TOGARAM2: variants seen among roughly 807,000 people sequenced by gnomAD.
TOGARAM2 encodes TOG array regulator of axonemal microtubules 2.
In TOGARAM2, 85 loss-of-function variants were observed where a neutral mutation model predicts 93.3. That is an observed-to-expected ratio of 0.91 (90% CI 0.76 to 1.09). TOGARAM2 has a LOEUF of 1.09. TOGARAM2 is among the 50% of genes least tolerant of loss of function. TOGARAM2 has a pLI of 0.00. For missense variants in TOGARAM2, 1,277 were observed against 1,334.5 expected, an observed-to-expected ratio of 0.96 and a Z score of 0.67; for synonymous variants, 593 against 552.8, an observed-to-expected ratio of 1.07 and a Z score of -1.02.
chr2:29,031,717 G>A lies in TOGARAM2; in HGVS notation c.2013-1217G>A, dbSNP rs569118048. The stretch of plus-strand genomic sequence containing the variant: ...ACCTGACCTAAGGAAGAAAAATACC[G>A]ACAAGCAATGCTATCTTCTGTTTCT... On this transcript the variant is annotated intron_variant, in intron 14 of 19. Coordinates refer to ENST00000379558, the MANE Select transcript of TOGARAM2 (RefSeq NM_199280.4). Among the ~76,000 whole-genome samples the A allele has an allele frequency of 7.2e-5, 11 of 152,250 alleles. No individual in the cohort carries two copies. The South Asian group carries it at 1.7e-3, about 23-fold the overall frequency.
At chr2:28,977,463 T>G (rs567619950), upstream of TOGARAM2, among the ~76,000 whole-genome samples, 17 of 152,176 alleles carry the variant, frequency 1.1e-4, no homozygotes, top group African/African-American at 4.1e-4. Flanking sequence ...GGGTCAGAAC[T>G]CCCCCTACCT....
intron 16 of TOGARAM2, among the ~76,000 whole-genome samples, chr2:29,035,086 G>T (rs1055194541): frequency 4.7e-5 from 7 of 150,192 alleles, no homozygotes; most frequent in African/African-American, 1.5e-4. Flanking sequence ...GGAGGTGGAG[G>T]TTGCAGTGAG....
chr2:29,037,085 C>T (rs938882688), intron 18 of TOGARAM2, among the ~76,000 whole-genome samples: 45 of 151,914 alleles, frequency 3.0e-4, no homozygotes, highest in African/African-American at 1.1e-3. Flanking sequence ...AAGGCTTAAG[C>T]TGGGCTGGGG....
chr2:29,002,488 C>A, intron 4 of TOGARAM2, 48 bp from the exon 5 acceptor site: 1 of 1,554,820 alleles, frequency 6.4e-7, no homozygotes, highest in Non-Finnish European at 8.8e-7. Flanking sequence ...ACCTTCCACT[C>A]CCTGTTCTTC....
intron 8 of TOGARAM2, among the ~76,000 whole-genome samples, chr2:29,016,829 G>A (rs2148333994): frequency 6.6e-6 from 1 of 152,314 alleles, no homozygotes; most frequent in African/African-American, 2.4e-5. Context: ...TTCTCTCCTA[G>A]AAATCTGTGG....
Position 29,052,161 on chromosome 2 carries a change from TC to T in TOGARAM2, c.*73del. On this transcript the variant is annotated 3_prime_UTR_variant, in exon 20 of 20. Coordinates refer to ENST00000379558, the MANE Select transcript of TOGARAM2 (RefSeq NM_199280.4). ...TGATGGACTATTCTCCTGGTTACTT[TC>T]CCCCTTAGAGTTCCAGATGTACATG... The T allele has an allele frequency of 3.1e-6, 4 of 1,284,806 alleles. No homozygotes were observed. In the South Asian group the frequency reaches 5.3e-5, roughly 17 times the overall value. The allele number at this position is 1,284,806 out of a possible 1,614,324, so 79.6% of individuals were successfully genotyped here. A position where few individuals can be genotyped will look rare whatever the true frequency, so the allele number is the denominator to read the frequency against.
intron 19 of TOGARAM2, chr2:29,047,923 G>A (rs1340684396): frequency 1.3e-5 from 2 of 152,112 alleles, no homozygotes; most frequent in African/African-American, 4.8e-5. Context: ...GCCTTTGGTG[G>A]GGGTGGGGGT....
At chr2:29,004,849 CTGTG>C (rs1222489826) in intron 6 of TOGARAM2, among the ~76,000 whole-genome samples, 1 of 146,728 alleles carries the variant, frequency 6.8e-6, no homozygotes, top group Non-Finnish European at 1.5e-5. Flanking sequence ...ATGAGTGCAT[CTGTG>C]TGGAGTTGTG....
intron 2 of TOGARAM2, among the ~76,000 whole-genome samples, chr2:28,997,712 C>T (rs761742691): frequency 5.9e-5 from 9 of 152,078 alleles, no homozygotes; most frequent in Non-Finnish European, 1.0e-4. Context: ...GGGCGGAAGC[C>T]GTAGGGTAGG....
intron 1 of TOGARAM2, among the ~76,000 whole-genome samples, chr2:28,968,018 C>T (rs1439843706): frequency 1.3e-5 from 2 of 151,910 alleles, no homozygotes; most frequent in East Asian, 3.9e-4. Context: ...AGGGTTTTGT[C>T]ATGTTGGCCA....
At chr2:29,043,836 A>C (rs1431504734) in intron 18 of TOGARAM2, among the ~76,000 whole-genome samples, 1 of 152,176 alleles carries the variant, frequency 6.6e-6, no homozygotes, top group Admixed American at 6.5e-5. Flanking sequence ...TGTCTTTGTG[A>C]GAAATGCATC....
chr2:28,972,842 C>T (rs1015962890), intron 1 of TOGARAM2, among the ~76,000 whole-genome samples: 1 of 152,196 alleles, frequency 6.6e-6, no homozygotes, highest in African/African-American at 2.4e-5. Context: ...AGCCTGCTTC[C>T]TATGAAACAT....
chr2:28,971,411 C>T (rs944094399), intron 1 of TOGARAM2, among the ~76,000 whole-genome samples: 9 of 151,970 alleles, frequency 5.9e-5, no homozygotes, highest in South Asian at 2.1e-4. Context: ...GGGGTCTCCC[C>T]GTGTTGCCCA....
intron 14 of TOGARAM2, among the ~76,000 whole-genome samples, chr2:29,031,424 A>G (rs1665760873): frequency 6.6e-6 from 1 of 152,196 alleles, no homozygotes; most frequent in Admixed American, 6.5e-5. Flanking sequence ...CATTGTAGGA[A>G]CTACACTATG....
intron 19 of TOGARAM2, chr2:29,045,885 T>C: frequency 4.4e-6 from 1 of 225,956 alleles, no homozygotes; most frequent in Non-Finnish European, 8.8e-6. Flanking sequence ...CGTTTCTTCC[T>C]CCTTGCAAAC....
Position 28,998,206 on chromosome 2 carries a change from G to A in TOGARAM2, c.92G>A (p.Arg31Gln), listed in dbSNP as rs772389061. ...ATCCCTCGGACCAGTGCTGGGCCCC[G>A]GGTGCTCCCGCCTGGAAGCATCAAC... Reference protein sequence around the residue: ...GSIPRTSAGPRVLPPGSINSS... With the variant: ...GSIPRTSAGPQVLPPGSINSS... Residue 31 changes from arginine (R) to glutamine (Q), a missense_variant, in exon 3 of 20, where the codon CGG (arginine) becomes CAG (glutamine). By Grantham distance (43) the Arg-to-Gln change is conservative (BLOSUM62 1). Transcript: ENST00000379558. 7.4e-6 allele frequency: 12 copies of A among 1,612,042 alleles called. No individual in the cohort carries two copies. Among genetic ancestry groups the A allele is most frequent in the Middle Eastern group, 1.6e-4 (1 of 6,076 alleles).
intron 19 of TOGARAM2, chr2:29,045,982 T>C (rs1666719168): frequency 6.1e-6 from 1 of 163,560 alleles, no homozygotes. Flanking sequence ...TGGGTGCATA[T>C]GGCTTGGTCA....
At chr2:29,016,782 T>A (rs1376354879) in intron 8 of TOGARAM2, among the ~76,000 whole-genome samples, 1 of 152,308 alleles carries the variant, frequency 6.6e-6, no homozygotes, top group South Asian at 2.1e-4. Flanking sequence ...ACACCCGGCC[T>A]CAGAGCTTTT....
chr2:29,003,405 G>C (rs1345601174), intron 5 of TOGARAM2, 87 bp from the exon 6 acceptor site: 2 of 1,179,716 alleles, frequency 1.7e-6, no homozygotes, highest in Admixed American at 7.6e-5. Context: ...GAGACAGCAG[G>C]TCCCACACTG....
Sources: gnomAD v4.1 joint callset for allele counts (sites outside exome capture counted in the v4.1 genomes callset) on GRCh38, gnomAD v4.1.1 for gene constraint, MANE v1.5 for transcripts, NCBI Gene and HGNC (gene_info 2026-07-23, HGNC 2026-07-21) for gene names.